Variants in SMURF1 observed in about 807,000 individuals in gnomAD.
SMURF1 encodes E3 ubiquitin-protein ligase SMURF1.
A neutral mutation model predicts 98.0 loss-of-function variants in SMURF1; 44 were observed. The observed-to-expected ratio is 0.45, with a 90% CI of 0.35 to 0.58. The LOEUF is 0.58. Among genes scored for constraint, SMURF1 ranks in the 20% least tolerant of loss-of-function variants. SMURF1 has a pLI of 0.00. For synonymous variants in SMURF1, 396 were observed against 374.9 expected, an observed-to-expected ratio of 1.06 and a Z score of -0.65; for missense variants, 687 against 938.4, an observed-to-expected ratio of 0.73 and a Z score of 3.50.
chr7:99,123,912 G>A (rs1445213212), intron 1 of SMURF1, among the ~76,000 whole-genome samples: 1 of 152,138 alleles, frequency 6.6e-6, no homozygotes, highest in Non-Finnish European at 1.5e-5. Flanking sequence ...ACATGTGCTG[G>A]GCAACAGCTG....
At chr7:99,136,058 C>T (rs1797985238) in intron 1 of SMURF1, among the ~76,000 whole-genome samples, 1 of 152,156 alleles carries the variant, frequency 6.6e-6, no homozygotes, top group Admixed American at 6.5e-5. Context: ...GAACAGGGCA[C>T]AGCGGCATAT....
chr7:99,134,917 C>G (rs1262557590), intron 1 of SMURF1, among the ~76,000 whole-genome samples: 1 of 151,976 alleles, frequency 6.6e-6, no homozygotes, highest in East Asian at 1.9e-4. Flanking sequence ...TATGATAGAA[C>G]AAGCTTTTTG....
chr7:99,065,345 C>T (rs1796163274), intron 1 of SMURF1, among the ~76,000 whole-genome samples: 1 of 152,146 alleles, frequency 6.6e-6, no homozygotes, highest in Admixed American at 6.5e-5. Context: ...GCCTCGGCCT[C>T]CCAAAATGCT....
chr7:99,120,110 G>C (rs1205056736), intron 1 of SMURF1, among the ~76,000 whole-genome samples: 1 of 152,100 alleles, frequency 6.6e-6, no homozygotes, highest in Non-Finnish European at 1.5e-5. Context: ...GTTGTTTAAG[G>C]AGCCTGGCAC....
chr7:99,073,259 A>G (rs774153810), intron 1 of SMURF1, among the ~76,000 whole-genome samples: 3 of 151,438 alleles, frequency 2.0e-5, no homozygotes, highest in Non-Finnish European at 2.9e-5. Flanking sequence ...GGCACCTGTA[A>G]TCCCAGCTAC....
At chr7:99,125,603 A>C (rs1797727699) in intron 1 of SMURF1, among the ~76,000 whole-genome samples, 1 of 152,176 alleles carries the variant, frequency 6.6e-6, no homozygotes, top group South Asian at 2.1e-4. Flanking sequence ...GTAGCACAAC[A>C]GCAGTCATCA....
chr7:99,090,496 A>G (rs1185089189), intron 1 of SMURF1, among the ~76,000 whole-genome samples: 1 of 152,174 alleles, frequency 6.6e-6, no homozygotes, highest in African/African-American at 2.4e-5. Context: ...GCAAAGGGAC[A>G]GAGAGGAGGA....
chr7:99,074,101 C>A (rs1042397060), intron 1 of SMURF1, among the ~76,000 whole-genome samples: 2 of 152,148 alleles, frequency 1.3e-5, no homozygotes, highest in African/African-American at 4.8e-5. Context: ...CAAGACAATA[C>A]ATTTCATACA....
chr7:99,073,609 A>G (rs1796384966), intron 1 of SMURF1, among the ~76,000 whole-genome samples: 1 of 152,038 alleles, frequency 6.6e-6, no homozygotes, highest in African/African-American at 2.4e-5. Context: ...TACCAAAAAT[A>G]TAAAGAATTA....
intron 1 of SMURF1, among the ~76,000 whole-genome samples, chr7:99,080,634 A>G (rs546373114): frequency 8.5e-5 from 13 of 152,340 alleles, no homozygotes; most frequent in Admixed American, 1.3e-4. Context: ...CTCTATCAAG[A>G]TTTCAAGGTA....
intron 8 of SMURF1, chr7:99,050,550 T>G (rs4590374): frequency 3.1e-4 from 47 of 152,340 alleles, no homozygotes; most frequent in Non-Finnish European, 5.7e-4. Context: ...AATGATTAAT[T>G]ATTCTCCTGA....
chr7:99,089,665 AACAAAACAAT>A (rs1234587311), intron 1 of SMURF1, among the ~76,000 whole-genome samples: 7 of 151,982 alleles, frequency 4.6e-5, no homozygotes, highest in Admixed American at 3.9e-4. Context: ...AACAAAACAA[AACAAAACAAT>A]ACAACGGGTT....
At chr7:99,082,172 A>G (rs1391367508) in intron 1 of SMURF1, among the ~76,000 whole-genome samples, 1 of 152,176 alleles carries the variant, frequency 6.6e-6, no homozygotes, top group Non-Finnish European at 1.5e-5. Flanking sequence ...TTCTTTATAT[A>G]TTTTAGAGAC....
At chr7:99,143,165 G>C (rs1459470017) in intron 1 of SMURF1, among the ~76,000 whole-genome samples, 4 of 145,306 alleles carry the variant, frequency 2.8e-5, no homozygotes, top group Non-Finnish European at 6.1e-5. Context: ...AGAGGAGCGA[G>C]GGGGTGGGGC....
chr7:99,098,053 C>A (rs1671602949), intron 1 of SMURF1, among the ~76,000 whole-genome samples: 2 of 152,174 alleles, frequency 1.3e-5, no homozygotes, highest in Non-Finnish European at 2.9e-5. Flanking sequence ...TCACTGTCAA[C>A]ATCAAGAACT....
chr7:99,031,627 G>A (rs1217011817), intron 17 of SMURF1, among the ~76,000 whole-genome samples: 1 of 152,218 alleles, frequency 6.6e-6, no homozygotes. Context: ...CCAACATGGT[G>A]CGTTCCCGTA....
At chr7:99,044,784 C>A (rs907031697) in intron 11 of SMURF1, among the ~76,000 whole-genome samples, 1 of 152,158 alleles carries the variant, frequency 6.6e-6, no homozygotes, top group African/African-American at 2.4e-5. Context: ...GCCCATAAAT[C>A]ATTAAATCCG....
At chr7:99,094,680 C>T (rs1045978089) in intron 1 of SMURF1, among the ~76,000 whole-genome samples, 1 of 149,874 alleles carries the variant, frequency 6.7e-6, no homozygotes, top group African/African-American at 2.4e-5. Flanking sequence ...AAAACTGTCA[C>T]CTAACTTGGC....
intron 17 of SMURF1, among the ~76,000 whole-genome samples, chr7:99,031,629 G>A (rs543151920): frequency 1.1e-4 from 16 of 152,302 alleles, no homozygotes; most frequent in African/African-American, 3.1e-4. Flanking sequence ...AACATGGTGC[G>A]TTCCCGTAAT....
Sources: gnomAD v4.1 joint callset for allele counts (sites outside exome capture counted in the v4.1 genomes callset) on GRCh38, gnomAD v4.1.1 for gene constraint, MANE v1.5 for transcripts, NCBI Gene and HGNC (gene_info 2026-07-23, HGNC 2026-07-21) for gene names.